Variants in ZNF653 observed in about 807,000 individuals in gnomAD.
ZNF653 encodes 67 kDa zinc finger protein.
In ZNF653, 37 loss-of-function variants were observed where a neutral mutation model predicts 59.9. That is an observed-to-expected ratio of 0.62 (90% CI 0.48 to 0.81). The LOEUF (loss-of-function observed/expected upper bound fraction) is 0.81. Among genes scored for constraint, ZNF653 ranks in the 40% least tolerant of loss-of-function variants. The pLI is 0.00. For synonymous variants in ZNF653, 435 were observed against 371.8 expected (o/e 1.17, Z -1.96); for missense variants, 808 against 881.1 (o/e 0.92, Z 1.05).
chr19:11,484,281 C>T lies in ZNF653; in HGVS notation c.1571-140G>A, dbSNP rs1971441727. The T allele has an allele frequency of 1.5e-5, 10 of 677,856 alleles. No homozygotes were observed. In the East Asian group the frequency reaches 1.9e-4, roughly 13 times the overall value. The allele number at this position is 677,856 out of a possible 1,614,324, so 42.0% of individuals were successfully genotyped here. The stretch of plus-strand genomic sequence containing the variant: ...GCAGGTGCAGGCCGACCAAACCCTA[C>T]GTCCTTCCCGTGCATTTGCCCACAG... On this transcript the variant is annotated intron_variant, in intron 7 of 8. Coordinates refer to ENST00000293771, the MANE Select transcript of ZNF653 (RefSeq NM_138783.4).
At position 11,488,604 on chromosome 19, in the gene ZNF653, C is replaced by CT. The variant is rs111509713; in HGVS notation, c.560-702dup. 2.4e-3 allele frequency among the ~76,000 whole-genome samples: 347 copies of CT among 143,174 alleles called. 3 individuals carry two copies. Among genetic ancestry groups the CT allele is most frequent in the South Asian group, 0.011 (47 of 4,424 alleles). The allele number at this position is 143,174 out of a possible 152,430, so 93.9% of individuals were successfully genotyped here. On this transcript the variant is annotated intron_variant, in intron 3 of 8. Transcript: ENST00000293771. The stretch of plus-strand genomic sequence containing the variant: ...CCTGGCTGAATTTTTCTTTTCTTTT[C>CT]TTTTTTTTTTTGAGATGGAGTCTCG...
chr19:11,505,374 G>A, intron 1 of ZNF653, 114 bp downstream of exon 1: 2 of 1,153,938 alleles, frequency 1.7e-6, no homozygotes, highest in Non-Finnish European at 2.3e-6. Context: ...CCCGGCTCCT[G>A]GGCGGGGTCC....
At chr19:11,484,267 C>T (rs771234817) in intron 7 of ZNF653, 126 bp from the exon 8 acceptor site, 4 of 734,770 alleles carry the variant, frequency 5.4e-6, no homozygotes, top group African/African-American at 3.5e-5. Flanking sequence ...CAGGTGCAGG[C>T]CGACCAAACC....
intron 3 of ZNF653, among the ~76,000 whole-genome samples, chr19:11,494,413 G>A (rs1319735392): frequency 1.3e-5 from 2 of 151,298 alleles, no homozygotes; most frequent in East Asian, 1.9e-4. Context: ...ACATAAGGCC[G>A]GGTGCAGTGG....
chr19:11,489,135 G>A (rs1262874754), intron 3 of ZNF653, among the ~76,000 whole-genome samples: 2 of 151,344 alleles, frequency 1.3e-5, no homozygotes, highest in African/African-American at 4.9e-5. Context: ...CCTGACCTTG[G>A]GTGATCCATC....
At position 11,483,485 on chromosome 19, in the gene ZNF653, C is replaced by T. The variant is rs577526116; in HGVS notation, c.*197G>A. 2.2e-6 allele frequency: 3 copies of T among 1,391,414 alleles called. No homozygotes were observed. Among genetic ancestry groups the T allele is most frequent in the South Asian group, 3.2e-5 (2 of 63,252 alleles). The allele number at this position is 1,391,414 out of a possible 1,614,324, so 86.2% of individuals were successfully genotyped here. On this transcript the variant is annotated 3_prime_UTR_variant, in exon 9 of 9. Transcript: ENST00000293771. The stretch of plus-strand genomic sequence containing the variant: ...TCTTGACACAGTTCCAGCAATGCAG[C>T]CCCAGGCACCAGCTCCGAGAAGGAT...
In ZNF653 at chr19:11,495,617, C is replaced by T. The variant is rs967247087; in HGVS notation, c.559+333G>A. The stretch of plus-strand genomic sequence containing the variant: ...TTAGGCGGCCGTTTCGCTGTGGGGG[C>T]CGAGCCCTGCCCCAGCAGGCCTGCC... On this transcript the variant is annotated intron_variant, in intron 3 of 8. Transcript: ENST00000293771. The surrounding 1 kb of genome is among the most constrained non-coding windows in gnomAD (Gnocchi z 4.9). 14 of 373,658 alleles carry T rather than the reference C, an allele frequency of 3.7e-5. No homozygotes were observed. The highest frequency in any genetic ancestry group is 3.6e-4 in the South Asian group (14 of 39,394). The allele number at this position is 373,658 out of a possible 1,614,324, so 23.1% of individuals were successfully genotyped here.
rs1041067383 is a variant in ZNF653 at position 11,495,696 on chromosome 19, G to A, written c.559+254C>T. The stretch of plus-strand genomic sequence containing the variant: ...TGGGCCCTCAGCCAGCCCTGCCTGG[G>A]ACTGGCCTTGGGCACAGATTGGCAA... On this transcript the variant is annotated intron_variant, in intron 3 of 8. Coordinates refer to ENST00000293771, the MANE Select transcript of ZNF653 (RefSeq NM_138783.4). This position sits in a 1 kb window ranked among gnomAD's most constrained non-coding sequence, Gnocchi z 4.9. The A allele has an allele frequency of 2.0e-6, 1 of 497,266 alleles. No homozygotes were observed. Among genetic ancestry groups the A allele is most frequent in the Non-Finnish European group, 3.7e-6 (1 of 272,214 alleles). 30.8% of individuals were successfully genotyped at this position (497,266 alleles called of 1,614,324 possible). A position where few individuals can be genotyped will look rare whatever the true frequency, so the allele number is the denominator to read the frequency against.
rs957459502 is a variant in ZNF653, at chr19:11,495,295, G to A, written c.559+655C>T. Among the ~76,000 whole-genome samples the A allele has an allele frequency of 7.2e-5, 11 of 152,256 alleles. No homozygotes were observed. Among genetic ancestry groups the A allele is most frequent in the African/African-American group, 2.2e-4 (9 of 41,566 alleles). On this transcript the variant is annotated intron_variant, in intron 3 of 8. Coordinates refer to ENST00000293771, the MANE Select transcript of ZNF653 (RefSeq NM_138783.4). The surrounding 1 kb of genome is among the most constrained non-coding windows in gnomAD (Gnocchi z 4.9). ...TGGGAAGGAGAGAGGCAGGGACCGC[G>A]AAGGTGGGGAGGGAGGAGGAGAAAG...
chr19:11,502,615 G>C (rs993221910), intron 1 of ZNF653, among the ~76,000 whole-genome samples: 2 of 152,152 alleles, frequency 1.3e-5, no homozygotes, highest in African/African-American at 4.8e-5. Flanking sequence ...AGGATCTCTT[G>C]AGTCCAGGAG....
At position 11,487,070 on chromosome 19, in the gene ZNF653, C is replaced by A. The variant is rs1971474817; in HGVS notation, c.1260G>T (p.Glu420Asp). The change falls in exon 5 of 9, where the codon GAG (glutamate) becomes GAT (aspartate). Residue 420 changes from glutamate to aspartate, a missense_variant. By Grantham distance (45) the Glu-to-Asp change is conservative (BLOSUM62 2). Transcript: ENST00000293771. This position sits in a 1 kb window ranked among gnomAD's most constrained non-coding sequence, Gnocchi z 5.1. ...CCTCCCCGTCCGCCTCTGCCTCAGG[C>A]TCTGCGCTCTCAGGCACCGTTGTTG... ...ELATTVPESA[E>D]PEAEADGEEL... The A allele has an allele frequency of 1.2e-6, 2 of 1,614,134 alleles. No homozygotes were observed. Among genetic ancestry groups the A allele is most frequent in the East Asian group, 2.2e-5 (1 of 44,880 alleles).
chr19:11,491,225 C>T (rs184307619), intron 3 of ZNF653, among the ~76,000 whole-genome samples: 8 of 152,286 alleles, frequency 5.3e-5, no homozygotes, highest in Non-Finnish European at 1.0e-4. Flanking sequence ...CTACATTTCC[C>T]AGCATCTCTT....
rs992315926 is a variant in ZNF653, at chr19:11,495,398, G to A, written c.559+552C>T. On this transcript the variant is annotated intron_variant, in intron 3 of 8. Transcript: ENST00000293771. This position sits in a 1 kb window ranked among gnomAD's most constrained non-coding sequence, Gnocchi z 4.9. ...AAAGATCAAGGAAGGAGGAGACAGA[G>A]GCAGCTCAAGGGAGGAGAAATGGGG... 1 of 159,322 alleles carries A rather than the reference G, an allele frequency of 6.3e-6. No individual in the cohort carries two copies. The highest frequency in any genetic ancestry group is 1.4e-5 in the Non-Finnish European group (1 of 72,170). 9.9% of individuals were successfully genotyped at this position (159,322 alleles called of 1,614,324 possible).
At chr19:11,504,054 G>A (rs1431513268) in intron 1 of ZNF653, among the ~76,000 whole-genome samples, 1 of 152,010 alleles carries the variant, frequency 6.6e-6, no homozygotes, top group Non-Finnish European at 1.5e-5. Flanking sequence ...GCAGTAAGCC[G>A]TGATCATGCC....
chr19:11,489,207 G>C (rs1000046368), intron 3 of ZNF653, among the ~76,000 whole-genome samples: 4 of 144,396 alleles, frequency 2.8e-5, no homozygotes, highest in Admixed American at 2.1e-4. Context: ...GCCCGATTTT[G>C]TTTTTGTTTT....
intron 1 of ZNF653, 155 bp downstream of exon 1, chr19:11,505,333 C>G (rs1971701793): frequency 2.7e-6 from 2 of 741,760 alleles, no homozygotes; most frequent in East Asian, 3.5e-5. Context: ...AGGCGCGTCC[C>G]GGCCAGGCAG....
At chr19:11,484,528 C>G (rs1267457273) in intron 7 of ZNF653, among the ~76,000 whole-genome samples, 2 of 152,064 alleles carry the variant, frequency 1.3e-5, no homozygotes, top group East Asian at 1.9e-4. Flanking sequence ...CTGCCTCAGC[C>G]TCCTGAGTAG....
At chr19:11,499,344 T>C (rs1411799961) in intron 1 of ZNF653, among the ~76,000 whole-genome samples, 1 of 152,198 alleles carries the variant, frequency 6.6e-6, no homozygotes, top group Non-Finnish European at 1.5e-5. Context: ...TAGGACTGGA[T>C]GTCAAGCCTT....
chr19:11,486,573 A>G (rs764935861), intron 6 of ZNF653, among the ~76,000 whole-genome samples, 196 bp downstream of exon 6: 1 of 152,256 alleles, frequency 6.6e-6, no homozygotes, highest in African/African-American at 2.4e-5. Context: ...TACATGCTCA[A>G]TCAATGCATG....
Sources: allele counts gnomAD v4.1 joint callset (sites outside exome capture counted in the v4.1 genomes callset), GRCh38; gene constraint gnomAD v4.1.1; non-coding constraint Gnocchi (gnomAD v3.1); transcripts MANE v1.5; gene names NCBI Gene and HGNC (gene_info 2026-07-23, HGNC 2026-07-21).